Variants in MANSC1 observed in about 807,000 individuals in gnomAD.
MANSC1 encodes the protein MANSC domain containing 1, also known as MANSC domain-containing protein 1.
In MANSC1, 13 loss-of-function variants were observed where a neutral mutation model predicts 14.1. The ratio of observed to expected loss-of-function variants is 0.92; its 90% CI spans 0.60 to 1.46. The LOEUF is 1.46. Ranked by LOEUF, MANSC1 falls within the 40% of genes most tolerant of loss-of-function variation. The probability of loss-of-function intolerance (pLI) is 0.00; values close to 1 mark genes in which losing one functional copy is unlikely to be tolerated. For synonymous variants in MANSC1, 227 were observed against 200.7 expected, an observed-to-expected ratio of 1.13 and a Z score of -1.11; for missense variants, 486 against 511.4, an observed-to-expected ratio of 0.95 and a Z score of 0.48.
chr12:12,343,087 T>C lies in MANSC1; in HGVS notation c.223+5A>G. The stretch of plus-strand genomic sequence containing the variant: ...ACAAAGGATTGCCAAGAAACCACTA[T>C]TTACCTGATATGTTTTTTGTTGAAC... On this transcript the variant is annotated splice_donor_5th_base_variant and intron_variant, in intron 2 of 3. Coordinates refer to ENST00000535902, the MANE Select transcript of MANSC1 (RefSeq NM_018050.4). The C allele has an allele frequency of 6.2e-7, 1 of 1,605,430 alleles. No homozygotes were observed. Among genetic ancestry groups the C allele is most frequent in the African/African-American group, 1.3e-5 (1 of 74,860 alleles).
Position 12,343,118 on chromosome 12 carries a change from G to T in MANSC1, c.197C>A (p.Ser66Tyr). 6.2e-7 allele frequency: 1 copy of T among 1,613,706 alleles called. No individual in the cohort carries two copies. The highest frequency in any genetic ancestry group is 8.5e-7 in the Non-Finnish European group (1 of 1,179,644). ...TGATATGTTTTTTGTTGAACAGCAAGAATTAATGCAGTCTTCTTGAGTTGA... is the reference window on the plus strand; with the variant it reads ...TGATATGTTTTTTGTTGAACAGCAATAATTAATGCAGTCTTCTTGAGTTGA... ...YTSTQEDCIN[S>Y]CCSTKNISGD... is the part of the protein sequence containing the mutation. The change falls in exon 2 of 4, where the codon TCT becomes TAT. Residue 66 changes from serine (S) to tyrosine (Y), a missense_variant. By Grantham distance (144) the Ser-to-Tyr change is moderately radical (BLOSUM62 -2). Coordinates refer to ENST00000535902, the MANE Select transcript of MANSC1 (RefSeq NM_018050.4).
intron 2 of MANSC1, chr12:12,339,026 A>C (rs1334810842): frequency 5.6e-6 from 1 of 180,002 alleles, no homozygotes; most frequent in Non-Finnish European, 1.2e-5. Context: ...CCACTCTGCC[A>C]TCATCAAGCC....
In MANSC1 at chr12:12,330,185, G is replaced by C. The variant is rs1862763377; in HGVS notation, c.1138C>G (p.Pro380Ala). 17 of 1,614,166 alleles carry C rather than the reference G, an allele frequency of 1.1e-5. No homozygotes were observed. Among genetic ancestry groups the C allele is most frequent in the Non-Finnish European group, 1.3e-5 (15 of 1,180,036 alleles). Residue 380 changes from proline (P) to alanine (A), a missense_variant, in exon 4 of 4, where the codon CCA becomes GCA. Pro to Ala is a conservative substitution (Grantham distance 27, BLOSUM62 -1). Transcript: ENST00000535902. ...GSVPENQYGLPFEKWLLIGSL... is the reference protein window; with the variant it reads ...GSVPENQYGLAFEKWLLIGSL... ...CCGATAAGAAGCCATTTTTCAAATG[G>C]AAGGCCGTACTGATTTTCTGGAACA...
Position 12,326,541 on chromosome 12 carries a change from T to C in MANSC1, c.*3486A>G, listed in dbSNP as rs1332141747. ...AGTTCCTCACTCAGGCCAGGGGTAA[T>C]TGAGAAACAGGCACATAACAGTATT... On this transcript the variant is annotated 3_prime_UTR_variant, in exon 4 of 4. Transcript: ENST00000535902. 1.3e-5 allele frequency: 2 copies of C among 152,084 alleles called. No individual in the cohort carries two copies. The highest frequency in any genetic ancestry group is 2.4e-5 in the African/African-American group (1 of 41,414). The allele number at this position is 152,084 out of a possible 1,614,324, so 9.4% of individuals were successfully genotyped here.
rs146513379 is a variant in MANSC1 at position 12,343,186 on chromosome 12, T to C, written c.129A>G (p.Ser43=). ...SLEDVVIDIQ[S]SLSKGIRGNE... ...TGCCTCTGATTCCCTTAGAAAGAGA[T>C]GACTGGATGTCAATGACAACATCTT... is the stretch of plus-strand genomic sequence containing the variant. The change falls in exon 2 of 4, where the codon TCA becomes TCG. Residue 43 remains serine (S), a synonymous_variant. Transcript: ENST00000535902. 347 of 1,613,844 alleles carry C rather than the reference T, an allele frequency of 2.2e-4. 2 individuals are homozygous for C. The African/African-American group carries it at 3.9e-3, about 18-fold the overall frequency.
Position 12,330,946 on chromosome 12 carries a change from A to G in MANSC1, c.377T>C (p.Leu126Ser). The change falls in exon 4 of 4, where the codon TTG becomes TCG. Residue 126 changes from leucine (L) to serine (S), a missense_variant. Leu to Ser is a moderately radical substitution (Grantham distance 145, BLOSUM62 -2). Transcript: ENST00000535902. The part of the protein sequence containing the change: ...SYRIITDFPS[L>S]TRNLPSQELP... ...CTCTTGGCTTGGCAAATTTCTGGTCAAAGATGGAAAATCTGAAAATGTATG... is the reference window on the plus strand; with the variant it reads ...CTCTTGGCTTGGCAAATTTCTGGTCGAAGATGGAAAATCTGAAAATGTATG... 6.3e-7 allele frequency: 1 copy of G among 1,576,020 alleles called. No homozygotes were observed. Among genetic ancestry groups the G allele is most frequent in the Non-Finnish European group, 8.6e-7 (1 of 1,163,216 alleles).
chr12:12,331,712 G>C (rs1862792422), intron 3 of MANSC1, among the ~76,000 whole-genome samples: 1 of 152,100 alleles, frequency 6.6e-6, no homozygotes, highest in African/African-American at 2.4e-5. Context: ...CTCTGACAGG[G>C]AGGAGGAGGA....
chr12:12,343,593 C>T (rs1162177278), intron 1 of MANSC1, among the ~76,000 whole-genome samples, 179 bp from the exon 2 acceptor site: 1 of 152,148 alleles, frequency 6.6e-6, no homozygotes, highest in Non-Finnish European at 1.5e-5. Context: ...AAACATTTGG[C>T]AAAGAACTAA....
In MANSC1 at chr12:12,326,970, C is replaced by G. The variant is rs1862716761; in HGVS notation, c.*3057G>C. On this transcript the variant is annotated 3_prime_UTR_variant, in exon 4 of 4. Transcript: ENST00000535902. Reference sequence around the variant, plus strand: ...GGATTACAGGTGTCTGCCACCATGCCTGGCTAATTTTTGTATTTCTGTAGA... The same window carrying G: ...GGATTACAGGTGTCTGCCACCATGCGTGGCTAATTTTTGTATTTCTGTAGA... 6.6e-6 allele frequency: 1 copy of G among 152,278 alleles called. No homozygotes were observed. Among genetic ancestry groups the G allele is most frequent in the Non-Finnish European group, 1.5e-5 (1 of 68,154 alleles). 9.4% of individuals were successfully genotyped at this position (152,278 alleles called of 1,614,324 possible). A position where few individuals can be genotyped will look rare whatever the true frequency, so the allele number is the denominator to read the frequency against.
chr12:12,344,783 T>C (rs1176873588), intron 1 of MANSC1, among the ~76,000 whole-genome samples: 3 of 150,022 alleles, frequency 2.0e-5, no homozygotes, highest in African/African-American at 7.4e-5. Context: ...TATATCTTTC[T>C]CTTGAGCTGG....
At chr12:12,344,584 C>T (rs1862980649) in intron 1 of MANSC1, among the ~76,000 whole-genome samples, 1 of 151,734 alleles carries the variant, frequency 6.6e-6, no homozygotes, top group Non-Finnish European at 1.5e-5. Flanking sequence ...ATTCCCCTGC[C>T]TCAGCCTTCC....
At position 12,327,602 on chromosome 12, in the gene MANSC1, A is replaced by G. The variant is rs1195466000; in HGVS notation, c.*2425T>C. The G allele has an allele frequency of 1.3e-5, 2 of 152,218 alleles. No homozygotes were observed. Among genetic ancestry groups the G allele is most frequent in the Non-Finnish European group, 2.9e-5 (2 of 68,046 alleles). The allele number at this position is 152,218 out of a possible 1,614,324, so 9.4% of individuals were successfully genotyped here. ...CTGATTTCCACTCGCTAAATCCATT[A>G]ATAAAGAGAGGAGAAATTTTAAAAT... On this transcript the variant is annotated 3_prime_UTR_variant, in exon 4 of 4. Transcript: ENST00000535902.
intron 3 of MANSC1, among the ~76,000 whole-genome samples, chr12:12,336,703 T>C (rs1197648798): frequency 6.6e-6 from 1 of 152,106 alleles, no homozygotes; most frequent in Non-Finnish European, 1.5e-5. Context: ...ATTTTTTTAA[T>C]TTTTTGTGGA....
chr12:12,331,060 G>T, intron 3 of MANSC1, 102 bp from the exon 4 acceptor site: 3 of 773,852 alleles, frequency 3.9e-6, no homozygotes, highest in Non-Finnish European at 4.2e-6. Flanking sequence ...TCCCTAAACT[G>T]GTTGGCCATG....
chr12:12,336,038 CCACG>C (rs1565797298), intron 3 of MANSC1, among the ~76,000 whole-genome samples: 1 of 152,048 alleles, frequency 6.6e-6, no homozygotes, highest in Non-Finnish European at 1.5e-5. Flanking sequence ...CAAAAATTAG[CCACG>C]TGTAGTGGCA....
In MANSC1 at chr12:12,330,819, C is replaced by A; in HGVS notation, c.504G>T (p.Trp168Cys). 1 of 1,614,142 alleles carries A rather than the reference C, an allele frequency of 6.2e-7. No individual in the cohort carries two copies. Among genetic ancestry groups the A allele is most frequent in the Non-Finnish European group, 8.5e-7 (1 of 1,180,018 alleles). The change falls in exon 4 of 4, where the codon TGG becomes TGT. Residue 168 changes from tryptophan to cysteine, a missense_variant. Physicochemically the swap from Trp to Cys is radical, Grantham distance 215 (BLOSUM62 -2). Transcript: ENST00000535902. ...CAAACTTCTGAGAAAGTGTGTCTCTCCATGAGATATCGGTGGGCTTTGAAT... is the reference window on the plus strand; with the variant it reads ...CAAACTTCTGAGAAAGTGTGTCTCTACATGAGATATCGGTGGGCTTTGAAT... ...TDYSKPTDIS[W>C]RDTLSQKFGS...
At chr12:12,340,987 A>G (rs1862925717) in intron 2 of MANSC1, among the ~76,000 whole-genome samples, 1 of 152,118 alleles carries the variant, frequency 6.6e-6, no homozygotes, top group Non-Finnish European at 1.5e-5. Flanking sequence ...TCTCCACACC[A>G]TTTTGCAGCA....
rs537735945 is a variant in MANSC1 at position 12,330,350 on chromosome 12, T to A, written c.973A>T (p.Ile325Phe). ...GSLETIPFTEISNLTLNTGNV... is the reference protein window; with the variant it reads ...GSLETIPFTEFSNLTLNTGNV... ...CCTGTGTTCAAAGTTAGGTTGGAGATTTCTGTAAACGGTATGGTTTCTAAG... is the reference window on the plus strand; with the variant it reads ...CCTGTGTTCAAAGTTAGGTTGGAGAATTCTGTAAACGGTATGGTTTCTAAG... The change falls in exon 4 of 4, where the codon ATC (isoleucine) becomes TTC (phenylalanine). Residue 325 changes from isoleucine (I) to phenylalanine (F), a missense_variant. Transcript: ENST00000535902. 7.4e-6 allele frequency: 12 copies of A among 1,614,218 alleles called. 1 individual carries two copies. In the African/African-American group the frequency reaches 1.5e-4, roughly 20 times the overall value.
At position 12,330,267 on chromosome 12, in the gene MANSC1, A is replaced by T; in HGVS notation, c.1056T>A (p.Asn352Lys). Reference protein sequence around the residue: ...SMSNVESSTMNKTASWEGREA... With the variant: ...SMSNVESSTMKKTASWEGREA... ...CCCTACCTTCCCAGGAAGCAGTTTT[A>T]TTCATAGTGGAAGACTCCACATTTG... The change falls in exon 4 of 4, where the codon AAT becomes AAA. Residue 352 changes from asparagine to lysine, a missense_variant. Asn to Lys is a moderately conservative substitution (Grantham distance 94). Transcript: ENST00000535902. The T allele has an allele frequency of 6.2e-7, 1 of 1,614,238 alleles. No homozygotes were observed. Among genetic ancestry groups the T allele is most frequent in the Non-Finnish European group, 8.5e-7 (1 of 1,180,046 alleles).
Sources: allele counts gnomAD v4.1 joint callset (sites outside exome capture counted in the v4.1 genomes callset), GRCh38; gene constraint gnomAD v4.1.1; transcripts MANE v1.5; gene names NCBI Gene and HGNC (gene_info 2026-07-23, HGNC 2026-07-21).